CCDC158: variants seen among roughly 807,000 people sequenced by gnomAD.
The protein encoded by CCDC158 is coiled-coil domain-containing protein 158.
Under a neutral mutation model 138.6 loss-of-function variants are expected in CCDC158, and 116 were observed. The observed-to-expected ratio is 0.84, with a 90% CI of 0.72 to 0.98. The LOEUF is 0.98. Ranked by LOEUF, CCDC158 falls within the 50% of genes least tolerant of loss-of-function variation. The pLI is 0.00. For missense variants in CCDC158, 1,265 were observed against 1,306.1 expected (o/e 0.97, Z 0.48); for synonymous variants, 436 against 442.4 (o/e 0.99, Z 0.18).
chr4:76,317,915 T>C (rs545873175), intron 24 of CCDC158, among the ~76,000 whole-genome samples: 20 of 152,262 alleles, frequency 1.3e-4, no homozygotes, highest in African/African-American at 4.8e-4. Flanking sequence ...CATCTTTGGA[T>C]CAATAATGAA....
intron 18 of CCDC158, 76 bp from the exon 19 acceptor site, chr4:76,334,243 C>T: frequency 1.5e-6 from 2 of 1,341,606 alleles, no homozygotes; most frequent in South Asian, 3.2e-5. Context: ...ATTAATGCAA[C>T]TGGTAAACAG....
At chr4:76,417,022 A>T (rs749545978) in intron 1 of CCDC158, among the ~76,000 whole-genome samples, 14 of 152,162 alleles carry the variant, frequency 9.2e-5, no homozygotes, top group Non-Finnish European at 1.9e-4. Flanking sequence ...ACTCAACACC[A>T]GCCCATGAAA....
intron 4 of CCDC158, among the ~76,000 whole-genome samples, chr4:76,390,246 C>T (rs992111695): frequency 6.6e-5 from 10 of 151,940 alleles, no homozygotes; most frequent in East Asian, 1.9e-4. Flanking sequence ...GTTTGGTTTT[C>T]GTACATTTGT....
chr4:76,325,800 C>A, intron 23 of CCDC158, 57 bp downstream of exon 23: 2 of 1,445,324 alleles, frequency 1.4e-6, no homozygotes, highest in Middle Eastern at 1.8e-4. Flanking sequence ...AAAGAACTTA[C>A]AGTTCAGCAG....
chr4:76,416,159 T>C (rs1355828179), intron 1 of CCDC158, among the ~76,000 whole-genome samples: 2 of 152,128 alleles, frequency 1.3e-5, no homozygotes, highest in Admixed American at 6.5e-5. Flanking sequence ...TCTCTCTCTC[T>C]GCCTCAGCTG....
intron 18 of CCDC158, among the ~76,000 whole-genome samples, chr4:76,336,203 A>AAC (rs1553964956): frequency 1.3e-5 from 2 of 150,714 alleles, no homozygotes; most frequent in Non-Finnish European, 3.0e-5. Flanking sequence ...AAAAAAAAAA[A>AAC]AAAAAACCAT....
rs1325616441 is a variant in CCDC158 at position 76,313,053 on chromosome 4, C to T, written c.*117G>A. The T allele has an allele frequency of 3.3e-6, 2 of 601,058 alleles. No homozygotes were observed. Among genetic ancestry groups the T allele is most frequent in the Non-Finnish European group, 5.8e-6 (2 of 345,336 alleles). 37.2% of individuals were successfully genotyped at this position (601,058 alleles called of 1,614,324 possible). Reference sequence around the variant, plus strand: ...TTATTTCAAAATAGAGTTTACAAGACAGGGTATCTTTTATTAAATTTTCAC... The same window carrying T: ...TTATTTCAAAATAGAGTTTACAAGATAGGGTATCTTTTATTAAATTTTCAC... On this transcript the variant is annotated 3_prime_UTR_variant, in exon 25 of 25. Transcript: ENST00000682701.
intron 3 of CCDC158, among the ~76,000 whole-genome samples, chr4:76,398,380 C>T (rs906392481): frequency 2.6e-5 from 4 of 151,996 alleles, no homozygotes; most frequent in Admixed American, 2.0e-4. Context: ...AAGTATATAT[C>T]ACTTGGCCGG....
chr4:76,353,260 C>T lies in CCDC158; in HGVS notation c.2308G>A (p.Glu770Lys). ...ANKEKHFLKE[E>K]KSKLSQELST... Reference sequence around the variant, plus strand: ...AATTCCTGACTGAGTTTACTTTTCTCTTCTTTCAGAAAATGTTTCTCCTAC... The same window carrying T: ...AATTCCTGACTGAGTTTACTTTTCTTTTCTTTCAGAAAATGTTTCTCCTAC... The change falls in exon 16 of 25, where the codon GAG (glutamate) becomes AAG (lysine). Residue 770 changes from glutamate (E) to lysine (K), a missense_variant. By Grantham distance (56) the Glu-to-Lys change is moderately conservative (BLOSUM62 1). Coordinates refer to ENST00000682701, the MANE Select transcript of CCDC158 (RefSeq NM_001394954.1). The T allele has an allele frequency of 6.2e-7, 1 of 1,607,996 alleles. No homozygotes were observed. Among genetic ancestry groups the T allele is most frequent in the South Asian group, 1.1e-5 (1 of 89,554 alleles).
chr4:76,395,492 G>A (rs1727698277), intron 4 of CCDC158, among the ~76,000 whole-genome samples: 1 of 152,160 alleles, frequency 6.6e-6, no homozygotes, highest in Admixed American at 6.5e-5. Context: ...GTCATCTAGA[G>A]GAAAGGCTTC....
Position 76,367,624 on chromosome 4 carries a change from G to T in CCDC158, c.1500C>A (p.Asp500Glu), listed in dbSNP as rs1448895996. The T allele has an allele frequency of 1.9e-6, 3 of 1,613,894 alleles. No individual in the cohort carries two copies. Among genetic ancestry groups the T allele is most frequent in the Non-Finnish European group, 2.5e-6 (3 of 1,179,876 alleles). Residue 500 changes from aspartate to glutamate, a missense_variant, in exon 12 of 25, where the codon GAC becomes GAA. By Grantham distance (45) the Asp-to-Glu change is conservative (BLOSUM62 2). Coordinates refer to ENST00000682701, the MANE Select transcript of CCDC158 (RefSeq NM_001394954.1). ...TLESSERTIS[D>E]LTTSLQEKER... Reference sequence around the variant, plus strand: ...CTTTTTCCTGGAGAGAAGTTGTCAGGTCCGATATTGTCCTCTCTGAGCTCT... The same window carrying T: ...CTTTTTCCTGGAGAGAAGTTGTCAGTTCCGATATTGTCCTCTCTGAGCTCT...
intron 24 of CCDC158, among the ~76,000 whole-genome samples, chr4:76,317,325 G>A (rs2110061653): frequency 6.6e-6 from 1 of 152,150 alleles, no homozygotes; most frequent in African/African-American, 2.4e-5. Context: ...ACGAACAGGG[G>A]TAGCTAGTCT....
At chr4:76,318,341 T>C (rs1291958050) in intron 24 of CCDC158, among the ~76,000 whole-genome samples, 1 of 152,130 alleles carries the variant, frequency 6.6e-6, no homozygotes, top group Admixed American at 6.5e-5. Context: ...TTACAACTTA[T>C]ACCACAGAAA....
At position 76,407,779 on chromosome 4, in the gene CCDC158, C is replaced by T. The variant is rs540739411; in HGVS notation, c.-74+4311G>A. 1.1e-4 allele frequency among the ~76,000 whole-genome samples: 17 copies of T among 152,106 alleles called. No homozygotes were observed. The South Asian group carries it at 3.5e-3, about 32-fold the overall frequency. ...TTAAGCAGGAAACAGAATCTAAGAT[C>T]AAGGTAAGCAGAATTGAAAATAGGA... On this transcript the variant is annotated intron_variant, in intron 2 of 24. Transcript: ENST00000682701.
chr4:76,407,044 C>T (rs1728882425), intron 2 of CCDC158, among the ~76,000 whole-genome samples: 1 of 151,784 alleles, frequency 6.6e-6, no homozygotes, highest in African/African-American at 2.4e-5. Context: ...CTCTAAAAAA[C>T]AAAACAAAAT....
chr4:76,323,239 A>G, intron 24 of CCDC158, 63 bp downstream of exon 24: 1 of 1,209,156 alleles, frequency 8.3e-7, no homozygotes, highest in Non-Finnish European at 1.2e-6. Flanking sequence ...AGGAGGCTTA[A>G]TCTGAAAAGA....
At chr4:76,410,338 C>A (rs1051566544) in intron 2 of CCDC158, among the ~76,000 whole-genome samples, 4 of 152,248 alleles carry the variant, frequency 2.6e-5, no homozygotes, top group Non-Finnish European at 5.9e-5. Context: ...GCATGTGGCA[C>A]CTTGCCCAAC....
chr4:76,394,877 A>G (rs1227391470), intron 4 of CCDC158, among the ~76,000 whole-genome samples: 1 of 152,154 alleles, frequency 6.6e-6, no homozygotes, highest in Non-Finnish European at 1.5e-5. Flanking sequence ...AAGATACCTA[A>G]GAGAAACTAA....
intron 4 of CCDC158, among the ~76,000 whole-genome samples, chr4:76,395,635 G>A (rs1346546345): frequency 6.6e-6 from 1 of 151,866 alleles, no homozygotes; most frequent in Non-Finnish European, 1.5e-5. Context: ...GGAAGAGCAA[G>A]TGGCCTGATA....
Sources: gnomAD v4.1 joint callset for allele counts (sites outside exome capture counted in the v4.1 genomes callset) on GRCh38, gnomAD v4.1.1 for gene constraint, MANE v1.5 for transcripts, NCBI Gene and HGNC (gene_info 2026-07-23, HGNC 2026-07-21) for gene names.